Variants in IYD observed in about 807,000 individuals in gnomAD.
The protein encoded by IYD is iodotyrosine deiodinase.
IYD carries 25 observed loss-of-function variants against 28.4 expected under a neutral mutation model. That is an observed-to-expected ratio of 0.88 (90% CI 0.64 to 1.23). The LOEUF (loss-of-function observed/expected upper bound fraction) is 1.23. IYD is among the 50% of genes most tolerant of loss of function. The pLI, the probability that IYD is intolerant of heterozygous loss-of-function variation, is 0.00. For synonymous variants in IYD, 140 were observed against 130.8 expected, an observed-to-expected ratio of 1.07 and a Z score of -0.48; for missense variants, 352 against 357.9, an observed-to-expected ratio of 0.98 and a Z score of 0.13.
rs72563997 is a variant in IYD at position 150,402,604 on chromosome 6, C to T, written c.*4367C>T. The T allele has an allele frequency of 1.3e-5, 2 of 152,028 alleles. No individual in the cohort carries two copies. Among genetic ancestry groups the T allele is most frequent in the African/African-American group, 2.4e-5 (1 of 41,370 alleles). 9.4% of individuals were successfully genotyped at this position (152,028 alleles called of 1,614,324 possible). ...AAGGCATAAAGATTTTCTTCTGAAA[C>T]GCTAAGATCGGTTGATATTTGTCTA... On this transcript the variant is annotated 3_prime_UTR_variant, in exon 5 of 5. Transcript: ENST00000344419.
intron 1 of IYD, among the ~76,000 whole-genome samples, chr6:150,375,552 G>A (rs11967695): frequency 0.021 from 3,192 of 152,278 alleles, 109 homozygotes; most frequent in African/African-American, 0.072. Context: ...TAGGAACAGC[G>A]GGGATGCAAA....
At chr6:150,384,099 T>C (rs566211962) in intron 1 of IYD, among the ~76,000 whole-genome samples, 1 of 152,300 alleles carries the variant, frequency 6.6e-6, no homozygotes, top group East Asian at 1.9e-4. Flanking sequence ...TACATTTTAA[T>C]GGTTTAAAAC....
chr6:150,369,271 T>C (rs1777134940), intron 1 of IYD, 62 bp downstream of exon 1: 1 of 1,513,654 alleles, frequency 6.6e-7, no homozygotes, highest in African/African-American at 1.4e-5. Context: ...TGAGTGTGAG[T>C]CAATGGCAGG....
chr6:150,383,345 G>C (rs1777721743), intron 1 of IYD, among the ~76,000 whole-genome samples: 1 of 152,122 alleles, frequency 6.6e-6, no homozygotes, highest in Non-Finnish European at 1.5e-5. Context: ...CTTTATCTCA[G>C]ATCAACCTCA....
Position 150,399,303 on chromosome 6 carries a change from C to T in IYD, c.*1066C>T, listed in dbSNP as rs672605. On this transcript the variant is annotated 3_prime_UTR_variant, in exon 5 of 5. Transcript: ENST00000344419. ...ACTACAAATCAGCACTTGCTTTCTTCTTCTTAAAGAGAGCTGCTTACCATA... is the reference window on the plus strand; with the variant it reads ...ACTACAAATCAGCACTTGCTTTCTTTTTCTTAAAGAGAGCTGCTTACCATA... The T allele has an allele frequency of 0.93, 140,997 of 152,246 alleles. 65,497 individuals carry two copies. The highest frequency in any genetic ancestry group is 0.98 in the African/African-American group (40,849 of 41,554). 9.4% of individuals were successfully genotyped at this position (152,246 alleles called of 1,614,324 possible).
chr6:150,378,302 T>C (rs1757736549), intron 1 of IYD, among the ~76,000 whole-genome samples: 1 of 149,512 alleles, frequency 6.7e-6, no homozygotes, highest in African/African-American at 2.5e-5. Context: ...TAGCATTAGG[T>C]ATATCTCCTA....
In IYD at chr6:150,390,782, A is replaced by T. The variant is rs189959474; in HGVS notation, c.370+1239A>T. On this transcript the variant is annotated intron_variant, in intron 2 of 4. Coordinates refer to ENST00000344419, the MANE Select transcript of IYD (RefSeq NM_203395.3). ...AGATCAGAAGCTGGCCCCTACTCTCACCAGAATCCCACAGGAATTGAGGCT... is the reference window on the plus strand; with the variant it reads ...AGATCAGAAGCTGGCCCCTACTCTCTCCAGAATCCCACAGGAATTGAGGCT... 3.1e-4 allele frequency among the ~76,000 whole-genome samples: 47 copies of T among 152,192 alleles called. No individual in the cohort carries two copies. In the East Asian group the frequency reaches 7.4e-3, roughly 24 times the overall value.
chr6:150,371,521 G>A (rs181483771), intron 1 of IYD, among the ~76,000 whole-genome samples: 2 of 152,316 alleles, frequency 1.3e-5, no homozygotes, highest in East Asian at 1.9e-4. Context: ...AGGAGAGCTC[G>A]GGCAGGCTGT....
Position 150,403,315 on chromosome 6 carries a change from G to A in IYD, c.*5078G>A, listed in dbSNP as rs903968710. On this transcript the variant is annotated 3_prime_UTR_variant, in exon 5 of 5. Coordinates refer to ENST00000344419, the MANE Select transcript of IYD (RefSeq NM_203395.3). Reference sequence around the variant, plus strand: ...GTGAAATGGAAACAAAGGTAACATCGTGTTTTCAATTCACACATATATACA... The same window carrying A: ...GTGAAATGGAAACAAAGGTAACATCATGTTTTCAATTCACACATATATACA... The A allele has an allele frequency of 1.3e-5, 2 of 152,186 alleles. No homozygotes were observed. The highest frequency in any genetic ancestry group is 4.8e-5 in the African/African-American group (2 of 41,446). 9.4% of individuals were successfully genotyped at this position (152,186 alleles called of 1,614,324 possible).
In IYD at chr6:150,399,994, A is replaced by G. The variant is rs1453534726; in HGVS notation, c.*1757A>G. On this transcript the variant is annotated 3_prime_UTR_variant, in exon 5 of 5. Transcript: ENST00000344419. ...CATAGGGTTTGGCATGCTGCTCGGT[A>G]CATGGTTAACATTCATAAATGGTGG... 15 of 152,266 alleles carry G rather than the reference A, an allele frequency of 9.9e-5. No homozygotes were observed. The highest frequency in any genetic ancestry group is 3.6e-4 in the African/African-American group (15 of 41,462). 9.4% of individuals were successfully genotyped at this position (152,266 alleles called of 1,614,324 possible).
At chr6:150,381,477 A>C (rs1464996908) in intron 1 of IYD, among the ~76,000 whole-genome samples, 1 of 152,168 alleles carries the variant, frequency 6.6e-6, no homozygotes, top group Non-Finnish European at 1.5e-5. Flanking sequence ...TGTGAAATGC[A>C]CTCACTGAAG....
intron 4 of IYD, among the ~76,000 whole-genome samples, chr6:150,397,583 A>AAAC (rs1554232837): frequency 2.6e-5 from 3 of 116,238 alleles, no homozygotes; most frequent in African/African-American, 4.9e-5. Context: ...AAAAAAACAA[A>AAAC]AAACAAAACC....
rs564663691 is a variant in IYD at position 150,398,387 on chromosome 6, C to T, written c.*150C>T. On this transcript the variant is annotated 3_prime_UTR_variant, in exon 5 of 5. Coordinates refer to ENST00000344419, the MANE Select transcript of IYD (RefSeq NM_203395.3). The stretch of plus-strand genomic sequence containing the variant: ...CAGGTGGCCACACTATGTCAAGAAG[C>T]CTCTCCACACTCTGTGGCACTTCCA... The T allele has an allele frequency of 5.9e-6, 4 of 675,792 alleles. No homozygotes were observed. In the East Asian group the frequency reaches 8.1e-5, roughly 14 times the overall value. 41.9% of individuals were successfully genotyped at this position (675,792 alleles called of 1,614,324 possible). A position where few individuals can be genotyped will look rare whatever the true frequency, so the allele number is the denominator to read the frequency against.
rs150215575 is a variant in IYD at position 150,398,767 on chromosome 6, C to T, written c.*530C>T. On this transcript the variant is annotated 3_prime_UTR_variant, in exon 5 of 5. Transcript: ENST00000344419. ...TCAAAGTTACTAAAACATGGCCAGG[C>T]GCAGTGGCTCATGCCTGTAATCCCA... 409 of 155,328 alleles carry T rather than the reference C, an allele frequency of 2.6e-3. 1 individual carries two copies. The highest frequency in any genetic ancestry group is 4.5e-3 in the Non-Finnish European group (318 of 70,156). The allele number at this position is 155,328 out of a possible 1,614,324, so 9.6% of individuals were successfully genotyped here.
chr6:150,393,991 T>G, intron 3 of IYD, 108 bp from the exon 4 acceptor site: 1 of 1,139,376 alleles, frequency 8.8e-7, no homozygotes, highest in Non-Finnish European at 1.3e-6. Flanking sequence ...AATTTAAATA[T>G]AAAAGATGAG....
Position 150,372,203 on chromosome 6 carries a change from CA to C in IYD, c.178+2995del, listed in dbSNP as rs1389859349. On this transcript the variant is annotated intron_variant, in intron 1 of 4. Coordinates refer to ENST00000344419, the MANE Select transcript of IYD (RefSeq NM_203395.3). ...CATCCAACCTCCTGCAGCTCTGATTCACAAAGAATTCCTACTGCATGTTCAC... is the reference window on the plus strand; with the variant it reads ...CATCCAACCTCCTGCAGCTCTGATTCCAAAGAATTCCTACTGCATGTTCAC... 2.6e-5 allele frequency among the ~76,000 whole-genome samples: 4 copies of C among 152,096 alleles called. No homozygotes were observed. The South Asian group carries it at 6.2e-4, about 24-fold the overall frequency.
chr6:150,373,555 T>A (rs1777346669), intron 1 of IYD, among the ~76,000 whole-genome samples: 1 of 152,110 alleles, frequency 6.6e-6, no homozygotes, highest in South Asian at 2.1e-4. Context: ...CTAGGGCGAG[T>A]CTCTGGGGAT....
rs1226531386 is a variant in IYD at position 150,402,238 on chromosome 6, A to AG, written c.*4004dup. 1 of 152,160 alleles carries AG rather than the reference A, an allele frequency of 6.6e-6. No individual in the cohort carries two copies. The highest frequency in any genetic ancestry group is 1.5e-5 in the Non-Finnish European group (1 of 68,032). The allele number at this position is 152,160 out of a possible 1,614,324, so 9.4% of individuals were successfully genotyped here. A position where few individuals can be genotyped will look rare whatever the true frequency, so the allele number is the denominator to read the frequency against. ...AGTAATACTGTGGGATGCAACTTCT[A>AG]GGGCATGGCTGCCTCCTTCCTAGAG... On this transcript the variant is annotated 3_prime_UTR_variant, in exon 5 of 5. Transcript: ENST00000344419.
intron 1 of IYD, among the ~76,000 whole-genome samples, chr6:150,383,952 T>C (rs1164683169): frequency 6.6e-6 from 1 of 152,106 alleles, no homozygotes; most frequent in East Asian, 1.9e-4. Flanking sequence ...ATACACATCA[T>C]ATCAAGCACA....
Sources: allele counts gnomAD v4.1 joint callset (sites outside exome capture counted in the v4.1 genomes callset), GRCh38; gene constraint gnomAD v4.1.1; transcripts MANE v1.5; gene names NCBI Gene and HGNC (gene_info 2026-07-23, HGNC 2026-07-21).